The following PSG11 variants were observed in gnomAD, a reference collection of about 807,000 sequenced individuals.
PSG11 encodes pregnancy-specific beta-1-glycoprotein 11.
In PSG11, 42 loss-of-function variants were observed where a neutral mutation model predicts 36.0. The ratio of observed to expected loss-of-function variants is 1.17; its 90% CI spans 0.91 to 1.51. PSG11 has a LOEUF of 1.51. PSG11 is among the 40% of genes most tolerant of loss of function. PSG11 has a pLI of 0.00. For synonymous variants in PSG11, 206 were observed against 153.5 expected, an observed-to-expected ratio of 1.34 and a Z score of -2.53; for missense variants, 558 against 403.5, an observed-to-expected ratio of 1.38 and a Z score of -3.28.
rs533199502 is a variant in PSG11 at position 43,017,077 on chromosome 19, G to T, written c.709+1693C>A. On this transcript the variant is annotated intron_variant, in intron 3 of 5. Coordinates refer to ENST00000320078, the MANE Select transcript of PSG11 (RefSeq NM_002785.3). ...GAGTGAATATGAGAAGAGACTGCTG[G>T]TTGCCAGGAGCTGGGAGTGGGGAGA... Among the ~76,000 whole-genome samples the T allele has an allele frequency of 4.6e-5, 7 of 151,474 alleles. No homozygotes were observed. In the South Asian group the frequency reaches 1.3e-3, roughly 27 times the overall value.
At position 43,024,905 on chromosome 19, in the gene PSG11, G is replaced by C. The variant is rs144837555; in HGVS notation, c.216C>G (p.Ile72Met). 240 of 1,611,592 alleles carry C rather than the reference G, an allele frequency of 1.5e-4. 8 individuals are homozygous for C. In the African/African-American group the frequency reaches 2.1e-3, roughly 14 times the overall value. The stretch of plus-strand genomic sequence containing the variant: ...ATGTAATGTAATGGTAGAGGTCCCT[G>C]ATTTGCCCTTTGTACCAGATGTAGC... ...LTGYIWYKGQIRDLYHYITSY... is the reference protein window; with the variant it reads ...LTGYIWYKGQMRDLYHYITSY... The change falls in exon 2 of 6, where the codon ATC becomes ATG. Residue 72 changes from isoleucine to methionine, a missense_variant. Coordinates refer to ENST00000320078, the MANE Select transcript of PSG11 (RefSeq NM_002785.3).
intron 2 of PSG11, among the ~76,000 whole-genome samples, chr19:43,021,749 C>G (rs941103856): frequency 3.3e-5 from 5 of 151,578 alleles, no homozygotes; most frequent in African/African-American, 9.7e-5. Flanking sequence ...ATGCCTGACA[C>G]GAAGCCAGAA....
intron 4 of PSG11, among the ~76,000 whole-genome samples, chr19:43,013,913 T>C (rs1966891414): frequency 6.6e-6 from 1 of 151,514 alleles, no homozygotes; most frequent in Non-Finnish European, 1.5e-5. Flanking sequence ...GAGGTGTATC[T>C]ATACATTGAA....
intron 3 of PSG11, chr19:43,015,886 A>T: frequency 6.2e-7 from 1 of 1,610,054 alleles, no homozygotes; most frequent in Non-Finnish European, 8.5e-7. Context: ...CCTGTTTTCA[A>T]TGGGTCGCTT....
At chr19:43,009,924 G>C (rs1974030708) in intron 5 of PSG11, 34 bp downstream of exon 5, 1 of 1,485,952 alleles carries the variant, frequency 6.7e-7, no homozygotes, top group Non-Finnish European at 9.4e-7. Context: ...AGTCAGCCCT[G>C]CAGGAACCAG....
rs201643307 is a variant in PSG11 at position 43,015,109 on chromosome 19, C to T, written c.964+7G>A. 3,554 of 1,611,820 alleles carry T rather than the reference C, an allele frequency of 2.2e-3. 218 individuals are homozygous for T. The South Asian group carries it at 0.035, about 16-fold the overall frequency. Reference sequence around the variant, plus strand: ...CCCTATTGCCAAGGATGCTGGGATCCACTTACCAATGACTCTGATTGTCAA... The same window carrying T: ...CCCTATTGCCAAGGATGCTGGGATCTACTTACCAATGACTCTGATTGTCAA... On this transcript the variant is annotated splice_region_variant and intron_variant, in intron 4 of 5. Transcript: ENST00000320078.
chr19:43,010,613 C>T, intron 4 of PSG11: 1 of 335,962 alleles, frequency 3.0e-6, no homozygotes, highest in Non-Finnish European at 5.6e-6. Context: ...CTTAGAATTG[C>T]ATTGGTACCT....
chr19:43,025,538 G>T (rs551034999), intron 1 of PSG11, among the ~76,000 whole-genome samples: 3 of 151,088 alleles, frequency 2.0e-5, no homozygotes, highest in Admixed American at 2.0e-4. Flanking sequence ...CCTCCCCATG[G>T]CAGCATGAGC....
intron 5 of PSG11, among the ~76,000 whole-genome samples, chr19:43,009,739 A>G (rs1160666797): frequency 1.3e-5 from 2 of 151,364 alleles, no homozygotes; most frequent in African/African-American, 4.9e-5. Context: ...TGAGAAACAA[A>G]TGAGCAGAGG....
intron 5 of PSG11, among the ~76,000 whole-genome samples, chr19:43,008,717 A>T (rs1322249579): frequency 1.3e-5 from 2 of 151,382 alleles, no homozygotes. Context: ...GTTTCTCAAG[A>T]GGATTACTGA....
rs543208864 is a variant in PSG11, at chr19:43,025,382, C to T, written c.65-326G>A. 342 of 327,960 alleles carry T rather than the reference C, an allele frequency of 1.0e-3. 5 individuals are homozygous for T. The highest frequency in any genetic ancestry group is 2.5e-3 in the Admixed American group (56 of 22,698). 20.3% of individuals were successfully genotyped at this position (327,960 alleles called of 1,614,324 possible). A position where few individuals can be genotyped will look rare whatever the true frequency, so the allele number is the denominator to read the frequency against. The stretch of plus-strand genomic sequence containing the variant: ...CTCCACACTGCCCTCAGGTCCTGCT[C>T]ACATCAGGGCATCCTTAGACTTCTT... On this transcript the variant is annotated intron_variant, in intron 1 of 5. Coordinates refer to ENST00000320078, the MANE Select transcript of PSG11 (RefSeq NM_002785.3).
At chr19:43,009,572 A>G (rs1288820633) in intron 5 of PSG11, among the ~76,000 whole-genome samples, 1 of 151,480 alleles carries the variant, frequency 6.6e-6, no homozygotes, top group East Asian at 1.9e-4. Flanking sequence ...TGAGGCAGTT[A>G]TATGCAAGGA....
At position 43,024,714 on chromosome 19, in the gene PSG11, CCA is replaced by C. The variant is rs941601203; in HGVS notation, c.405_406del (p.Gly136IlefsTer34). 2 of 1,610,810 alleles carry C rather than the reference CCA, an allele frequency of 1.2e-6. No homozygotes were observed. The highest frequency in any genetic ancestry group is 1.7e-6 in the Non-Finnish European group (2 of 1,178,584). On this transcript the variant is annotated frameshift_variant, in exon 2 of 6. Coordinates refer to ENST00000320078, the MANE Select transcript of PSG11 (RefSeq NM_002785.3). LOFTEE classifies it high-confidence loss of function. ...ACGGTATAAGGTGAAGGTGAAATATCCAGTTACTCCTCTAGTCCCATCACCTC... is the reference window on the plus strand; with the variant it reads ...ACGGTATAAGGTGAAGGTGAAATATCGTTACTCCTCTAGTCCCATCACCTC...
chr19:43,010,281 G>T, intron 4 of PSG11: 1 of 1,466,328 alleles, frequency 6.8e-7, no homozygotes, highest in East Asian at 2.5e-5. Flanking sequence ...TATTTTGGAA[G>T]GCTTTCAGAC....
At chr19:43,013,313 G>C (rs1974120216) in intron 4 of PSG11, among the ~76,000 whole-genome samples, 1 of 151,362 alleles carries the variant, frequency 6.6e-6, no homozygotes, top group East Asian at 1.9e-4. Context: ...TATCAAGAAA[G>C]TAAAAAGGCA....
rs1226412626 is a variant in PSG11 at position 43,024,895 on chromosome 19, A to G, written c.226T>C (p.Tyr76His). 11 of 1,611,740 alleles carry G rather than the reference A, an allele frequency of 6.8e-6. No homozygotes were observed. The highest frequency in any genetic ancestry group is 1.7e-5 in the Admixed American group (1 of 59,816). Residue 76 changes from tyrosine (Y) to histidine (H), a missense_variant, in exon 2 of 6, where the codon TAC becomes CAC. By Grantham distance (83) the Tyr-to-His change is moderately conservative (BLOSUM62 2). Coordinates refer to ENST00000320078, the MANE Select transcript of PSG11 (RefSeq NM_002785.3). ...IWYKGQIRDL[Y>H]HYITSYVVDG... ...ACTACATATGATGTAATGTAATGGTAGAGGTCCCTGATTTGCCCTTTGTAC... is the reference window on the plus strand; with the variant it reads ...ACTACATATGATGTAATGTAATGGTGGAGGTCCCTGATTTGCCCTTTGTAC...
chr19:43,014,389 G>T, intron 4 of PSG11: 1 of 937,302 alleles, frequency 1.1e-6, no homozygotes. Context: ...ACTCAGTGCT[G>T]TGTCCCACGT....
At chr19:43,015,028 G>A (rs1966922574) in intron 4 of PSG11, 88 bp downstream of exon 4, 1 of 1,605,732 alleles carries the variant, frequency 6.2e-7, no homozygotes, top group African/African-American at 1.3e-5. Flanking sequence ...ACACAGGCTG[G>A]GAATAAAAAT....
Position 43,009,670 on chromosome 19 carries a change from A to T in PSG11, c.*40+288T>A, listed in dbSNP as rs116375440. ...GAATGGAGAGAATTACACTATTGAG[A>T]TATGTTAAAAATAATGAAGAAGGTT... On this transcript the variant is annotated intron_variant, in intron 5 of 5. Transcript: ENST00000320078. Among the ~76,000 whole-genome samples the T allele has an allele frequency of 7.8e-3, 1,186 of 151,500 alleles. 47 individuals are homozygous for T. Among genetic ancestry groups the T allele is most frequent in the African/African-American group, 0.027 (1,090 of 41,110 alleles).
Sources: gnomAD v4.1 joint callset for allele counts (sites outside exome capture counted in the v4.1 genomes callset) on GRCh38, gnomAD v4.1.1 for gene constraint, MANE v1.5 for transcripts, NCBI Gene and HGNC (gene_info 2026-07-23, HGNC 2026-07-21) for gene names.